The following MYO16 variants were observed in gnomAD, a reference collection of about 807,000 sequenced individuals.
The protein encoded by MYO16 is myosin XVI, also known as unconventional myosin-XVI.
Under a neutral mutation model 205.3 loss-of-function variants are expected in MYO16, and 94 were observed. That is an observed-to-expected ratio of 0.46 (90% CI 0.39 to 0.54). The LOEUF (loss-of-function observed/expected upper bound fraction) is 0.54. MYO16 is among the 20% of genes least tolerant of loss of function. MYO16 has a pLI of 0.00. For synonymous variants in MYO16, 988 were observed against 954.0 expected (o/e 1.04, Z -0.66); for missense variants, 2,315 against 2,387.5 (o/e 0.97, Z 0.63).
chr13:108,859,454 A>G (rs1878352876), intron 11 of MYO16, among the ~76,000 whole-genome samples: 1 of 152,238 alleles, frequency 6.6e-6, no homozygotes, highest in Non-Finnish European at 1.5e-5. Flanking sequence ...TCATTTGACC[A>G]GGATTTTCAT....
intron 27 of MYO16, among the ~76,000 whole-genome samples, chr13:109,097,378 C>T (rs1217028341): frequency 6.6e-6 from 1 of 152,088 alleles, no homozygotes; most frequent in African/African-American, 2.4e-5. Flanking sequence ...TGCCCATAAC[C>T]TTCTGGGTGG....
At chr13:108,844,074 A>G (rs1165767688) in intron 9 of MYO16, among the ~76,000 whole-genome samples, 3 of 152,174 alleles carry the variant, frequency 2.0e-5, no homozygotes, top group Non-Finnish European at 2.9e-5. Flanking sequence ...TGATTCATCT[A>G]TTATAGTCAG....
rs535961164 is a variant in MYO16, at chr13:108,888,728, G to A, written c.1659+251G>A. ...CTCCGAATAGTTGGATCTAAAACAC[G>A]TAATATAGGTAGATGTTGTTGTTCA... On this transcript the variant is annotated intron_variant, in intron 14 of 34. Transcript: ENST00000457511. Among the ~76,000 whole-genome samples the A allele has an allele frequency of 8.6e-4, 131 of 152,068 alleles. 1 individual carries two copies. The highest frequency in any genetic ancestry group is 2.8e-4 in the Non-Finnish European group (19 of 68,004).
intron 1 of MYO16, among the ~76,000 whole-genome samples, chr13:108,612,322 G>GA (rs1425027098): frequency 1.3e-5 from 2 of 151,834 alleles, no homozygotes; most frequent in African/African-American, 4.8e-5. Context: ...GCTAATACTA[G>GA]AAAAAAAGTA....
intron 15 of MYO16, among the ~76,000 whole-genome samples, chr13:108,909,012 A>G (rs1263874623): frequency 1.4e-5 from 2 of 147,420 alleles, no homozygotes; most frequent in Non-Finnish European, 3.0e-5. Context: ...ATAAATAAAT[A>G]AAAATATAAT....
the MYO16 span, among the ~76,000 whole-genome samples, chr13:108,537,616 A>C: frequency 6.6e-6 from 1 of 152,148 alleles, no homozygotes; most frequent in African/African-American, 2.4e-5. Flanking sequence ...ATTAACACTA[A>C]CAGTGGGTAA....
intron 4 of MYO16, among the ~76,000 whole-genome samples, chr13:108,755,987 G>A (rs771379146): frequency 6.6e-6 from 1 of 152,118 alleles, no homozygotes; most frequent in East Asian, 1.9e-4. Flanking sequence ...ACAAAACTTA[G>A]CATTATAGTC....
At chr13:108,948,535 C>CTA (rs1883023221) in intron 16 of MYO16, among the ~76,000 whole-genome samples, 2 of 152,228 alleles carry the variant, frequency 1.3e-5, no homozygotes, top group Admixed American at 6.5e-5. Context: ...ACACCTGCAC[C>CTA]CTGGAGACAC....
chr13:109,062,406 C>T (rs1202206077), intron 27 of MYO16, among the ~76,000 whole-genome samples: 1 of 152,124 alleles, frequency 6.6e-6, no homozygotes, highest in African/African-American at 2.4e-5. Flanking sequence ...CATAGGCATA[C>T]TGTAAAAAGT....
At chr13:108,620,208 A>G (rs942844544) in intron 1 of MYO16, among the ~76,000 whole-genome samples, 1 of 152,106 alleles carries the variant, frequency 6.6e-6, no homozygotes, top group Non-Finnish European at 1.5e-5. Flanking sequence ...ATTGTTTGCT[A>G]TATAAGTTGA....
intron 27 of MYO16, among the ~76,000 whole-genome samples, chr13:109,086,258 C>T (rs1384965245): frequency 1.3e-5 from 2 of 152,184 alleles, no homozygotes; most frequent in Admixed American, 1.3e-4. Flanking sequence ...CAATGCCCAG[C>T]ATTCTGTTCA....
chr13:108,845,528 A>C (rs1877475230), intron 10 of MYO16, among the ~76,000 whole-genome samples: 1 of 151,824 alleles, frequency 6.6e-6, no homozygotes, highest in South Asian at 2.1e-4. Flanking sequence ...GGGAGAGGGC[A>C]CTCTCTGGAG....
intron 13 of MYO16, chr13:108,886,586 G>T: frequency 2.3e-6 from 1 of 435,368 alleles, no homozygotes; most frequent in Non-Finnish European, 4.6e-6. Context: ...AACTGCTGGC[G>T]GCTCCACCCC....
chr13:108,738,346 A>G (rs967457631), intron 4 of MYO16, among the ~76,000 whole-genome samples: 1 of 152,096 alleles, frequency 6.6e-6, no homozygotes, highest in Non-Finnish European at 1.5e-5. Flanking sequence ...CTTTGTTCTC[A>G]TTGGTTTCAA....
the MYO16 span, among the ~76,000 whole-genome samples, chr13:108,544,891 A>G: frequency 1.3e-5 from 2 of 152,122 alleles, no homozygotes; most frequent in African/African-American, 2.4e-5. Context: ...CACTTAACAT[A>G]ATGACCTCCA....
At chr13:109,155,835 C>A (rs1348055897) in intron 32 of MYO16, among the ~76,000 whole-genome samples, 1 of 152,248 alleles carries the variant, frequency 6.6e-6, no homozygotes, top group Non-Finnish European at 1.5e-5. Context: ...CCCATCTCCA[C>A]TGAACTCTCT....
intron 20 of MYO16, among the ~76,000 whole-genome samples, chr13:108,987,917 A>G (rs974017433): frequency 6.6e-6 from 1 of 152,212 alleles, no homozygotes; most frequent in African/African-American, 2.4e-5. Flanking sequence ...ATCTATCTAC[A>G]TAAAAGGTAA....
At chr13:108,538,660 A>G in the MYO16 span, among the ~76,000 whole-genome samples, 1 of 152,222 alleles carries the variant, frequency 6.6e-6, no homozygotes, top group South Asian at 2.1e-4. Flanking sequence ...ATTGATCCCT[A>G]CTGATACAGT....
In MYO16 at chr13:108,691,128, C is replaced by A. The variant is rs1594212698; in HGVS notation, c.293-21533C>A. Reference sequence around the variant, plus strand: ...GTCCCAGTTAGAATCAGCCTCAAATCTTCACAGCATGTACAGTTGCAAGGC... The same window carrying A: ...GTCCCAGTTAGAATCAGCCTCAAATATTCACAGCATGTACAGTTGCAAGGC... On this transcript the variant is annotated intron_variant, in intron 2 of 34. Transcript: ENST00000457511. 2.0e-5 allele frequency among the ~76,000 whole-genome samples: 3 copies of A among 152,246 alleles called. No individual in the cohort carries two copies. In the South Asian group the frequency reaches 6.2e-4, roughly 32 times the overall value.
Sources: gnomAD v4.1 joint callset for allele counts (sites outside exome capture counted in the v4.1 genomes callset) on GRCh38, gnomAD v4.1.1 for gene constraint, MANE v1.5 for transcripts, NCBI Gene and HGNC (gene_info 2026-07-23, HGNC 2026-07-21) for gene names.